The following MARCHF8 variants were observed in gnomAD, a reference collection of about 807,000 sequenced individuals.
MARCHF8 encodes E3 ubiquitin-protein ligase MARCHF8.
MARCHF8 carries 40 observed loss-of-function variants against 51.6 expected under a neutral mutation model. The observed-to-expected ratio is 0.77, with a 90% CI of 0.60 to 1.01. MARCHF8 has a LOEUF of 1.01. Ranked by LOEUF, MARCHF8 falls within the 50% of genes least tolerant of loss-of-function variation. MARCHF8 has a pLI of 0.00. For synonymous variants in MARCHF8, 263 were observed against 280.3 expected (o/e 0.94, Z 0.62); for missense variants, 685 against 708.6 (o/e 0.97, Z 0.38).
At chr10:45,565,570 C>CA (rs1435462621) in intron 1 of MARCHF8, among the ~76,000 whole-genome samples, 2 of 143,774 alleles carry the variant, frequency 1.4e-5, no homozygotes, top group South Asian at 2.2e-4. Context: ...GATGCAACTG[C>CA]AAAAAAATAA....
At chr10:45,516,065 C>T (rs995479095) in intron 2 of MARCHF8, among the ~76,000 whole-genome samples, 1 of 152,178 alleles carries the variant, frequency 6.6e-6, no homozygotes, top group Non-Finnish European at 1.5e-5. Flanking sequence ...ACTCCCCTAC[C>T]CCATCCCATG....
chr10:45,516,211 G>A (rs1295283369), intron 2 of MARCHF8, among the ~76,000 whole-genome samples: 1 of 152,160 alleles, frequency 6.6e-6, no homozygotes, highest in Non-Finnish European at 1.5e-5. Context: ...TCCTGATGAA[G>A]ATAATCAGTT....
chr10:45,590,620 T>C (rs1405882591), intron 1 of MARCHF8, among the ~76,000 whole-genome samples: 5 of 152,176 alleles, frequency 3.3e-5, no homozygotes, highest in Non-Finnish European at 7.4e-5. Context: ...ATTTAAAAAG[T>C]TGCAGGAAAA....
intron 2 of MARCHF8, among the ~76,000 whole-genome samples, chr10:45,526,725 G>GAA (rs886516059): frequency 7.1e-6 from 1 of 140,510 alleles, no homozygotes; most frequent in African/African-American, 2.6e-5. Flanking sequence ...GAAAAAAAAA[G>GAA]AAAAAAAAAA....
intron 2 of MARCHF8, among the ~76,000 whole-genome samples, chr10:45,525,583 C>A (rs71496609): frequency 0.062 from 9,398 of 152,200 alleles, 335 homozygotes; most frequent in Non-Finnish European, 0.067. Context: ...TGGGCTATGC[C>A]TAGTGACTTC....
At position 45,457,964 on chromosome 10, in the gene MARCHF8, G is replaced by C. The variant is rs1385481707; in HGVS notation, c.*275C>G. ...CATTTTATTCTCTCATTCAGCTCAA[G>C]ACCATGGGCAGGAACTCTGCTGGCT... On this transcript the variant is annotated 3_prime_UTR_variant, in exon 8 of 8. Coordinates refer to ENST00000453424, the MANE Select transcript of MARCHF8 (RefSeq NM_001282866.2). 2.3e-6 allele frequency: 1 copy of C among 444,422 alleles called. No homozygotes were observed. Among genetic ancestry groups the C allele is most frequent in the African/African-American group, 2.0e-5 (1 of 49,514 alleles). 27.5% of individuals were successfully genotyped at this position (444,422 alleles called of 1,614,324 possible). A position where few individuals can be genotyped will look rare whatever the true frequency, so the allele number is the denominator to read the frequency against.
chr10:45,490,687 A>G (rs375543200), intron 2 of MARCHF8, among the ~76,000 whole-genome samples: 1 of 152,186 alleles, frequency 6.6e-6, no homozygotes, highest in South Asian at 2.1e-4. Context: ...ATTTTCCTGA[A>G]TCTACTCATT....
chr10:45,464,405 G>T, intron 3 of MARCHF8, 78 bp from the exon 4 acceptor site: 1 of 1,189,698 alleles, frequency 8.4e-7, no homozygotes, highest in Non-Finnish European at 1.3e-6. Context: ...ATGGTGACAG[G>T]GAGAAACCCT....
upstream of MARCHF8, among the ~76,000 whole-genome samples, chr10:45,538,679 A>G (rs1047758519): frequency 6.6e-6 from 1 of 152,246 alleles, no homozygotes; most frequent in African/African-American, 2.4e-5. Context: ...AGTCTCTGAT[A>G]AAACAGATTT....
At chr10:45,482,766 AAAC>A (rs998098689) in intron 3 of MARCHF8, among the ~76,000 whole-genome samples, 4 of 151,478 alleles carry the variant, frequency 2.6e-5, no homozygotes, top group South Asian at 4.2e-4. Flanking sequence ...AAAAACAAAC[AAAC>A]AACAACAACA....
chr10:45,537,863 T>C (rs1231888561), upstream of MARCHF8, among the ~76,000 whole-genome samples: 1 of 152,152 alleles, frequency 6.6e-6, no homozygotes, highest in Non-Finnish European at 1.5e-5. Context: ...AATGAAAATA[T>C]TCTAAAATTG....
intron 1 of MARCHF8, among the ~76,000 whole-genome samples, chr10:45,570,937 G>C (rs2044421444): frequency 6.6e-6 from 1 of 151,646 alleles, no homozygotes; most frequent in African/African-American, 2.4e-5. Context: ...AAATACCTAA[G>C]TAAATGAAGA....
chr10:45,477,185 T>C (rs180978166), intron 3 of MARCHF8, among the ~76,000 whole-genome samples: 1 of 152,026 alleles, frequency 6.6e-6, no homozygotes, highest in Admixed American at 6.6e-5. Flanking sequence ...TGGGATGATA[T>C]ATTCAAAGTG....
At chr10:45,485,851 A>G (rs2042969661) in intron 3 of MARCHF8, among the ~76,000 whole-genome samples, 1 of 152,214 alleles carries the variant, frequency 6.6e-6, no homozygotes, top group African/African-American at 2.4e-5. Context: ...GGTAGCATAC[A>G]GTATGTCCAC....
intron 1 of MARCHF8, among the ~76,000 whole-genome samples, chr10:45,576,126 A>C (rs1027855015): frequency 6.6e-6 from 1 of 152,258 alleles, no homozygotes; most frequent in Non-Finnish European, 1.5e-5. Flanking sequence ...ACAGAGCTAC[A>C]ATAATCAGGA....
At chr10:45,559,251 A>G (rs1051663640) in intron 1 of MARCHF8, among the ~76,000 whole-genome samples, 1 of 152,272 alleles carries the variant, frequency 6.6e-6, no homozygotes, top group Non-Finnish European at 1.5e-5. Flanking sequence ...TGGTATGTAC[A>G]TAGATGATAG....
At chr10:45,584,209 T>C (rs2133431340) in intron 1 of MARCHF8, among the ~76,000 whole-genome samples, 1 of 139,660 alleles carries the variant, frequency 7.2e-6, no homozygotes, top group East Asian at 2.1e-4. Context: ...TAAGAAACAA[T>C]CTAAATTTTC....
At chr10:45,475,650 A>G (rs770016158) in intron 3 of MARCHF8, among the ~76,000 whole-genome samples, 1 of 152,068 alleles carries the variant, frequency 6.6e-6, no homozygotes, top group Non-Finnish European at 1.5e-5. Flanking sequence ...TTGTCCTGCC[A>G]CTGCTGCTGC....
At chr10:45,530,235 A>G (rs1383610675) in intron 2 of MARCHF8, among the ~76,000 whole-genome samples, 1 of 152,198 alleles carries the variant, frequency 6.6e-6, no homozygotes, top group South Asian at 2.1e-4. Context: ...AAATATGTAC[A>G]CAGGGGCATA....
Sources: gnomAD v4.1 joint callset for allele counts (sites outside exome capture counted in the v4.1 genomes callset) on GRCh38, gnomAD v4.1.1 for gene constraint, MANE v1.5 for transcripts, NCBI Gene and HGNC (gene_info 2026-07-23, HGNC 2026-07-21) for gene names.